Variants in NAALADL2 observed in about 807,000 individuals in gnomAD.
The protein encoded by NAALADL2 is inactive N-acetylated-alpha-linked acidic dipeptidase-like protein 2.
A neutral mutation model predicts 87.2 loss-of-function variants in NAALADL2; 76 were observed. The observed-to-expected ratio is 0.87, with a 90% confidence interval of 0.72 to 1.05. The LOEUF (loss-of-function observed/expected upper bound fraction) is 1.05, where lower values mean the gene tolerates loss of function less well. Ranked by LOEUF, NAALADL2 falls within the 50% of genes least tolerant of loss-of-function variation. The probability of loss-of-function intolerance (pLI) is 0.00; values close to 1 mark genes in which losing one functional copy is unlikely to be tolerated. For synonymous variants in NAALADL2, 354 were observed against 331.0 expected (o/e 1.07, Z -0.75); for missense variants, 1,089 against 945.8 (o/e 1.15, Z -1.99).
At chr3:175,426,223 C>T (rs1338384467) in intron 5 of NAALADL2, among the ~76,000 whole-genome samples, 2 of 152,172 alleles carry the variant, frequency 1.3e-5, no homozygotes, top group African/African-American at 2.4e-5. Context: ...ATTCGCTGGA[C>T]GTGGTGGCAG....
intron 2 of NAALADL2, among the ~76,000 whole-genome samples, chr3:174,566,141 C>T (rs1714230680): frequency 6.6e-6 from 1 of 151,854 alleles, no homozygotes; most frequent in Admixed American, 6.6e-5. Flanking sequence ...TAAAGTTAAA[C>T]TGTAGTACTA....
At position 175,380,892 on chromosome 3, in the gene NAALADL2, G is replaced by GT. The variant is rs907234785; in HGVS notation, c.1090+56576dup. Among the ~76,000 whole-genome samples, 55 of 150,752 alleles carry GT rather than the reference G, an allele frequency of 3.6e-4. No individual in the cohort carries two copies. In the East Asian group the frequency reaches 3.9e-3, roughly 11 times the overall value. ...ACTCAATTATAAAGCTTTAAATATTGTTTTTTTTTAAATTTTCAACATCTT... is the reference window on the plus strand; with the variant it reads ...ACTCAATTATAAAGCTTTAAATATTGTTTTTTTTTTAAATTTTCAACATCTT... On this transcript the variant is annotated intron_variant, in intron 5 of 13. Coordinates refer to ENST00000454872, the MANE Select transcript of NAALADL2 (RefSeq NM_207015.3).
In NAALADL2 at chr3:174,918,154, C is replaced by T. The variant is rs374719361; in HGVS notation, c.43+58704C>T. The stretch of plus-strand genomic sequence containing the variant: ...TTTTGGGCTGATTATGAAAACATAT[C>T]AGTACTTATTCAGAATATTCACTTG... On this transcript the variant is annotated intron_variant, in intron 1 of 13. Transcript: ENST00000454872. Among the ~76,000 whole-genome samples the T allele has an allele frequency of 3.3e-5, 5 of 151,672 alleles. No individual in the cohort carries two copies. In the South Asian group the frequency reaches 1.0e-3, roughly 32 times the overall value.
chr3:174,923,044 A>G (rs1323860552), intron 1 of NAALADL2, among the ~76,000 whole-genome samples: 2 of 152,170 alleles, frequency 1.3e-5, no homozygotes, highest in Admixed American at 1.3e-4. Flanking sequence ...ATGTCATTCT[A>G]CAAAAAAAGG....
At chr3:175,156,319 GA>G (rs373025277) in intron 2 of NAALADL2, among the ~76,000 whole-genome samples, 54,809 of 151,656 alleles carry the variant, frequency 0.36, 11,235 homozygotes, top group East Asian at 0.56. Context: ...CAAATCTTTA[GA>G]TAAATAGCTC....
chr3:174,492,842 A>G lies in NAALADL2; in HGVS notation c.-184+51810A>G, dbSNP rs557625210. Among the ~76,000 whole-genome samples the G allele has an allele frequency of 3.3e-5, 5 of 152,340 alleles. No individual in the cohort carries two copies. The East Asian group carries it at 9.7e-4, about 29-fold the overall frequency. ...TCTGACCACTTTCCTTTTCAAGTGA[A>G]GAACTGAAGCACCAGTTATTTAACC... is the stretch of plus-strand genomic sequence containing the variant. On this transcript the variant is annotated intron_variant, in intron 1 of 3. Coordinates refer to the NAALADL2 transcript ENST00000434257.
chr3:175,104,109 TC>T, intron 2 of NAALADL2, among the ~76,000 whole-genome samples: 1 of 152,070 alleles, frequency 6.6e-6, no homozygotes, highest in Non-Finnish European at 1.5e-5. Context: ...TTTTAATCTC[TC>T]CCTTTCCACA....
At chr3:175,116,039 T>C (rs1353519650) in intron 2 of NAALADL2, among the ~76,000 whole-genome samples, 1 of 151,872 alleles carries the variant, frequency 6.6e-6, no homozygotes, top group African/African-American at 2.4e-5. Context: ...TCAACAGCCT[T>C]CATGCAAAAA....
chr3:174,616,933 ATTGTT>A (rs1370729783), intron 2 of NAALADL2, among the ~76,000 whole-genome samples: 1 of 151,842 alleles, frequency 6.6e-6, no homozygotes, highest in Admixed American at 6.6e-5. Flanking sequence ...TACCTGTTGT[ATTGTT>A]TTAATAGTCA....
intron 1 of NAALADL2, among the ~76,000 whole-genome samples, chr3:174,468,862 A>C (rs1473432210): frequency 6.7e-6 from 1 of 149,710 alleles, no homozygotes; most frequent in Admixed American, 6.7e-5. Context: ...TCCCGGGTTC[A>C]AGCTGTTCTC....
intron 4 of NAALADL2, among the ~76,000 whole-genome samples, chr3:175,286,328 C>T (rs1295331771): frequency 2.0e-5 from 3 of 152,140 alleles, no homozygotes; most frequent in African/African-American, 7.2e-5. Flanking sequence ...ATTTACTGTG[C>T]ATCCTCTTCC....
At chr3:175,051,474 A>G (rs1049381106) in intron 1 of NAALADL2, among the ~76,000 whole-genome samples, 1 of 152,150 alleles carries the variant, frequency 6.6e-6, no homozygotes, top group African/African-American at 2.4e-5. Flanking sequence ...TTGTGGTTAT[A>G]GAACTGAGCC....
intron 9 of NAALADL2, among the ~76,000 whole-genome samples, chr3:175,537,687 ATC>A (rs2149460808): frequency 6.6e-6 from 1 of 152,294 alleles, no homozygotes; most frequent in South Asian, 2.1e-4. Flanking sequence ...TGTGAGTAGA[ATC>A]TCACTACCTG....
chr3:174,919,375 T>A (rs773756690), intron 1 of NAALADL2, among the ~76,000 whole-genome samples: 2 of 152,230 alleles, frequency 1.3e-5, no homozygotes, highest in Non-Finnish European at 2.9e-5. Context: ...TAAGTTTATG[T>A]AATATTCTAA....
intron 2 of NAALADL2, among the ~76,000 whole-genome samples, chr3:175,168,899 T>A (rs898524966): frequency 6.6e-6 from 1 of 151,894 alleles, no homozygotes; most frequent in East Asian, 1.9e-4. Flanking sequence ...TGGAATTTTA[T>A]TGTTGTCCTC....
At chr3:175,197,398 C>CT (rs1407161700) in intron 2 of NAALADL2, among the ~76,000 whole-genome samples, 1 of 151,834 alleles carries the variant, frequency 6.6e-6, no homozygotes, top group African/African-American at 2.4e-5. Context: ...CATGACACAG[C>CT]TTTTTTTCTA....
At chr3:174,464,744 A>G (rs1716417817) in intron 1 of NAALADL2, among the ~76,000 whole-genome samples, 1 of 152,176 alleles carries the variant, frequency 6.6e-6, no homozygotes, top group Non-Finnish European at 1.5e-5. Flanking sequence ...TACATATAGT[A>G]ATTTATATTT....
intron 9 of NAALADL2, among the ~76,000 whole-genome samples, chr3:175,557,413 C>G (rs1202631813): frequency 1.3e-5 from 2 of 152,126 alleles, no homozygotes; most frequent in Non-Finnish European, 2.9e-5. Context: ...CAATTAAACT[C>G]TTTTAGTTAT....
At chr3:174,960,070 A>G (rs188441987) in intron 1 of NAALADL2, among the ~76,000 whole-genome samples, 75 of 152,124 alleles carry the variant, frequency 4.9e-4, no homozygotes, top group Non-Finnish European at 9.0e-4. Flanking sequence ...CCCGTAGTTA[A>G]TGCTTTGGAG....
Sources: allele counts gnomAD v4.1 joint callset (sites outside exome capture counted in the v4.1 genomes callset), GRCh38; gene constraint gnomAD v4.1.1; transcripts MANE v1.5; gene names NCBI Gene and HGNC (gene_info 2026-07-23, HGNC 2026-07-21).